The following HPSE2 variants were observed in gnomAD, a reference collection of about 807,000 sequenced individuals.
The protein encoded by HPSE2 is inactive heparanase-2.
Under a neutral mutation model 60.5 loss-of-function variants are expected in HPSE2, and 38 were observed. That is an observed-to-expected ratio of 0.63 (90% CI 0.48 to 0.82). The LOEUF is 0.82. HPSE2 is among the 40% of genes least tolerant of loss of function. The pLI, the probability that HPSE2 is intolerant of heterozygous loss-of-function variation, is 0.00. For synonymous variants in HPSE2, 295 were observed against 293.2 expected (o/e 1.01, Z -0.06); for missense variants, 713 against 740.4 (o/e 0.96, Z 0.43).
chr10:98,534,357 C>G (rs1409375297), intron 9 of HPSE2, among the ~76,000 whole-genome samples: 1 of 152,032 alleles, frequency 6.6e-6, no homozygotes. Flanking sequence ...ATTTTTTTCA[C>G]CCCAACTGAA....
At chr10:98,675,708 T>A (rs916964081) in intron 6 of HPSE2, among the ~76,000 whole-genome samples, 12 of 151,950 alleles carry the variant, frequency 7.9e-5, no homozygotes, top group African/African-American at 2.4e-4. Context: ...CACTCCCGCA[T>A]GGGTGACAGC....
At chr10:99,120,313 G>A (rs1247779022) in intron 3 of HPSE2, among the ~76,000 whole-genome samples, 2 of 151,906 alleles carry the variant, frequency 1.3e-5, no homozygotes, top group Non-Finnish European at 2.9e-5. Context: ...ACATATATGT[G>A]GCCAATAATC....
intron 3 of HPSE2, among the ~76,000 whole-genome samples, chr10:98,967,184 C>A (rs1220707064): frequency 6.6e-6 from 1 of 152,156 alleles, no homozygotes; most frequent in East Asian, 1.9e-4. Flanking sequence ...GATAATGGAG[C>A]TGGGTATAAG....
intron 2 of HPSE2, among the ~76,000 whole-genome samples, chr10:99,214,680 T>G (rs921152015): frequency 6.6e-6 from 1 of 152,062 alleles, no homozygotes; most frequent in African/African-American, 2.4e-5. Context: ...GGGAAAAATT[T>G]TGCAATCTGT....
At chr10:99,045,490 G>C (rs1441656965) in intron 3 of HPSE2, among the ~76,000 whole-genome samples, 1 of 151,796 alleles carries the variant, frequency 6.6e-6, no homozygotes, top group African/African-American at 2.4e-5. Context: ...AATAATTACA[G>C]AAGAACCAAA....
At chr10:99,027,157 A>G (rs1039130182) in intron 3 of HPSE2, among the ~76,000 whole-genome samples, 1 of 152,074 alleles carries the variant, frequency 6.6e-6, no homozygotes, top group African/African-American at 2.4e-5. Flanking sequence ...GAAAAAATAT[A>G]CAAAAGATCA....
chr10:99,114,667 C>A (rs968568032), intron 3 of HPSE2, among the ~76,000 whole-genome samples: 5 of 152,088 alleles, frequency 3.3e-5, no homozygotes, highest in Non-Finnish European at 7.4e-5. Flanking sequence ...GTAATCCCAG[C>A]ACTTTGGGGG....
chr10:99,031,081 C>T (rs1441240401), intron 3 of HPSE2, among the ~76,000 whole-genome samples: 1 of 152,090 alleles, frequency 6.6e-6, no homozygotes, highest in Non-Finnish European at 1.5e-5. Context: ...TGTGATAGCA[C>T]AACAGGTTTC....
intron 3 of HPSE2, among the ~76,000 whole-genome samples, chr10:98,857,324 A>G (rs1322157626): frequency 1.3e-5 from 2 of 152,146 alleles, no homozygotes; most frequent in Non-Finnish European, 2.9e-5. Flanking sequence ...ACCTATACGT[A>G]ATAAAAGAAA....
intron 3 of HPSE2, among the ~76,000 whole-genome samples, chr10:98,767,043 G>A (rs1015791390): frequency 5.3e-5 from 8 of 152,082 alleles, no homozygotes; most frequent in African/African-American, 9.7e-5. Flanking sequence ...GAATATATCC[G>A]ACAAAATTCA....
chr10:99,124,175 C>T (rs2862514), intron 3 of HPSE2, among the ~76,000 whole-genome samples: 128,149 of 152,174 alleles, frequency 0.84, 55,028 homozygotes, highest in South Asian at 0.97. Context: ...GTGGCTCATA[C>T]CTGCAGGCAG....
chr10:99,035,789 T>C (rs866914394), intron 3 of HPSE2, among the ~76,000 whole-genome samples: 13 of 152,200 alleles, frequency 8.5e-5, no homozygotes, highest in African/African-American at 2.7e-4. Context: ...TAGTCCATCA[T>C]TGACAGAAAT....
rs182224615 is a variant in HPSE2 at position 98,826,692 on chromosome 10, T to C, written c.611-82636A>G. On this transcript the variant is annotated intron_variant, in intron 3 of 11. Transcript: ENST00000370552. ...AAGAAGAGACCCAGTAAAGAGGAAATGAGGCCCCTAGGCTTCAGCTTCAGT... is the reference window on the plus strand; with the variant it reads ...AAGAAGAGACCCAGTAAAGAGGAAACGAGGCCCCTAGGCTTCAGCTTCAGT... Among the ~76,000 whole-genome samples, 463 of 152,218 alleles carry C rather than the reference T, an allele frequency of 3.0e-3. 1 individual carries two copies. The highest frequency in any genetic ancestry group is 0.011 in the African/African-American group (444 of 41,540).
At position 98,460,774 on chromosome 10, in the gene HPSE2, A is replaced by G. The variant is rs539926817; in HGVS notation, c.1614-1035T>C. Among the ~76,000 whole-genome samples, 6 of 152,352 alleles carry G rather than the reference A, an allele frequency of 3.9e-5. No individual in the cohort carries two copies. In the South Asian group the frequency reaches 1.0e-3, roughly 26 times the overall value. On this transcript the variant is annotated intron_variant, in intron 11 of 11. Coordinates refer to ENST00000370552, the MANE Select transcript of HPSE2 (RefSeq NM_021828.5). ...CACTTTCACCCTGAGAAGGGGGACT[A>G]CATACATAGCAAACTTAGAAAAGAG...
intron 3 of HPSE2, among the ~76,000 whole-genome samples, chr10:99,099,048 T>C (rs1843832164): frequency 6.6e-6 from 1 of 152,230 alleles, no homozygotes; most frequent in Admixed American, 6.5e-5. Context: ...AGCTCCAGTC[T>C]ACAGCTCCCA....
At chr10:98,772,427 G>A (rs1589801890) in intron 3 of HPSE2, among the ~76,000 whole-genome samples, 1 of 152,320 alleles carries the variant, frequency 6.6e-6, no homozygotes, top group East Asian at 1.9e-4. Flanking sequence ...CCCTTTGACT[G>A]AAGACATGGC....
chr10:99,075,422 G>A (rs1346199657), intron 3 of HPSE2, among the ~76,000 whole-genome samples: 1 of 152,054 alleles, frequency 6.6e-6, no homozygotes, highest in African/African-American at 2.4e-5. Context: ...TCCTAAATTT[G>A]CTAAGACTTG....
intron 2 of HPSE2, among the ~76,000 whole-genome samples, chr10:99,165,081 CAAAAAAAAAA>C (rs56263581): frequency 3.0e-5 from 2 of 65,764 alleles, no homozygotes; most frequent in African/African-American, 6.1e-5. Flanking sequence ...GACTCGGTCT[CAAAAAAAAAA>C]AAAAAAAAAA....
intron 8 of HPSE2, among the ~76,000 whole-genome samples, chr10:98,617,507 T>C (rs1452894854): frequency 6.6e-6 from 1 of 152,222 alleles, no homozygotes; most frequent in East Asian, 1.9e-4. Context: ...CCTGCAAACC[T>C]ACATCCCTAT....
Sources: gnomAD v4.1 joint callset for allele counts (sites outside exome capture counted in the v4.1 genomes callset) on GRCh38, gnomAD v4.1.1 for gene constraint, MANE v1.5 for transcripts, NCBI Gene and HGNC (gene_info 2026-07-23, HGNC 2026-07-21) for gene names.